Variants in PCNX2 observed in about 807,000 individuals in gnomAD.
PCNX2 encodes pecanex 2, also known as pecanex-like protein 2.
In PCNX2, 168 loss-of-function variants were observed where a neutral mutation model predicts 223.8. That is an observed-to-expected ratio of 0.75 (90% CI 0.66 to 0.85). The LOEUF (loss-of-function observed/expected upper bound fraction) is 0.85, where lower values mean the gene tolerates loss of function less well. Among genes scored for constraint, PCNX2 ranks in the 40% least tolerant of loss-of-function variants. The pLI is 0.00. For synonymous variants in PCNX2, 1,006 were observed against 1,052.6 expected (o/e 0.96, Z 0.86); for missense variants, 2,507 against 2,675.5 (o/e 0.94, Z 1.39).
chr1:233,017,784 G>A (rs970804640), intron 26 of PCNX2, among the ~76,000 whole-genome samples: 1 of 152,210 alleles, frequency 6.6e-6, no homozygotes, highest in African/African-American at 2.4e-5. Flanking sequence ...AGGAAAGTGA[G>A]AAGAACGTAA....
chr1:233,120,526 C>G (rs1384706564), intron 21 of PCNX2, among the ~76,000 whole-genome samples: 3 of 152,186 alleles, frequency 2.0e-5, no homozygotes, highest in Non-Finnish European at 4.4e-5. Context: ...GCCACTCTGG[C>G]ATTTTCCATA....
intron 8 of PCNX2, among the ~76,000 whole-genome samples, chr1:233,239,263 A>G (rs1415651168): frequency 2.0e-5 from 3 of 152,210 alleles, no homozygotes; most frequent in Non-Finnish European, 4.4e-5. Context: ...CAACTGAAAT[A>G]AACTAAGAAT....
At chr1:233,076,145 A>G (rs1458288957) in intron 23 of PCNX2, among the ~76,000 whole-genome samples, 1 of 152,174 alleles carries the variant, frequency 6.6e-6, no homozygotes, top group Non-Finnish European at 1.5e-5. Context: ...GTTTAATTTG[A>G]CTGATTTAAG....
At chr1:233,015,782 G>A (rs1022976823) in intron 27 of PCNX2, among the ~76,000 whole-genome samples, 3 of 152,108 alleles carry the variant, frequency 2.0e-5, no homozygotes, top group Non-Finnish European at 2.9e-5. Context: ...GTTAGGACAG[G>A]AGGATCACTT....
At chr1:233,294,474 T>A (rs552740425) in intron 1 of PCNX2, among the ~76,000 whole-genome samples, 2 of 152,210 alleles carry the variant, frequency 1.3e-5, no homozygotes, top group South Asian at 4.1e-4. Flanking sequence ...TCGGAATCCA[T>A]CAGTCATGCA....
At chr1:233,067,029 G>A (rs1039618050) in intron 23 of PCNX2, among the ~76,000 whole-genome samples, 5 of 152,058 alleles carry the variant, frequency 3.3e-5, no homozygotes, top group Non-Finnish European at 7.4e-5. Context: ...TAGAGGCTGA[G>A]TAGGGAACCT....
intron 1 of PCNX2, among the ~76,000 whole-genome samples, chr1:233,281,120 TAAGAAA>T (rs1192585666): frequency 2.0e-5 from 3 of 152,208 alleles, no homozygotes; most frequent in Non-Finnish European, 4.4e-5. Flanking sequence ...TGATATATAG[TAAGAAA>T]AAGTATTTCT....
At chr1:233,036,203 G>A (rs945719089) in intron 25 of PCNX2, among the ~76,000 whole-genome samples, 13 of 152,058 alleles carry the variant, frequency 8.5e-5, no homozygotes, top group African/African-American at 1.4e-4. Context: ...CTCATTTTCC[G>A]GGGACAGAAT....
chr1:233,144,962 T>G (rs28512240), intron 19 of PCNX2, among the ~76,000 whole-genome samples: 95 of 108,576 alleles, frequency 8.7e-4, no homozygotes, highest in African/African-American at 5.9e-3. Context: ...TGTTTTTTTT[T>G]TTTGTTTCTT....
chr1:233,178,247 TTGTG>T (rs1298468728), intron 16 of PCNX2, among the ~76,000 whole-genome samples: 7 of 152,204 alleles, frequency 4.6e-5, no homozygotes, highest in African/African-American at 1.4e-4. Context: ...ACACTAAAAA[TTGTG>T]TGAACCATGT....
chr1:233,208,407 G>A, intron 13 of PCNX2, 111 bp downstream of exon 13: 1 of 1,202,990 alleles, frequency 8.3e-7, no homozygotes, highest in East Asian at 2.5e-5. Context: ...AGAGGAAAGT[G>A]CACATCTCTT....
At chr1:233,156,960 C>T (rs1407468695) in intron 19 of PCNX2, among the ~76,000 whole-genome samples, 1 of 151,970 alleles carries the variant, frequency 6.6e-6, no homozygotes, top group African/African-American at 2.4e-5. Context: ...AGACTTGAAG[C>T]ATGAGCAGCC....
rs78414174 is a variant in PCNX2 at position 233,095,873 on chromosome 1, A to G, written c.3838-10T>C. ...GAAGCAGGTCCCCGAGCTGAAAGTA[A>G]AAGAAAAAAAATTCATCAGAGAGGA... is the stretch of plus-strand genomic sequence containing the variant. On this transcript the variant is annotated splice_polypyrimidine_tract_variant and intron_variant, in intron 21 of 33. Transcript: ENST00000258229. The G allele has an allele frequency of 3.9e-3, 6,152 of 1,574,300 alleles. 218 individuals are homozygous for G. In the African/African-American group the frequency reaches 0.072, roughly 18 times the overall value.
At chr1:233,140,988 G>A (rs1306356169) in intron 19 of PCNX2, among the ~76,000 whole-genome samples, 5 of 152,054 alleles carry the variant, frequency 3.3e-5, no homozygotes. Flanking sequence ...GCTGCAAGGT[G>A]CCAGGCAACT....
At chr1:233,146,442 T>G (rs1677453458) in intron 19 of PCNX2, among the ~76,000 whole-genome samples, 1 of 152,222 alleles carries the variant, frequency 6.6e-6, no homozygotes, top group Non-Finnish European at 1.5e-5. Flanking sequence ...TAAACAACAT[T>G]TCCTATTTTA....
intron 26 of PCNX2, among the ~76,000 whole-genome samples, chr1:233,021,866 G>A (rs1313335881): frequency 1.3e-5 from 2 of 152,166 alleles, no homozygotes; most frequent in Non-Finnish European, 2.9e-5. Flanking sequence ...AAATCATCTA[G>A]GGGACTGGGA....
intron 27 of PCNX2, among the ~76,000 whole-genome samples, chr1:233,015,502 C>T (rs1022604431): frequency 6.6e-6 from 1 of 152,084 alleles, no homozygotes; most frequent in Non-Finnish European, 1.5e-5. Context: ...AGCTTGAGAC[C>T]AGCCTGGCCA....
At position 233,208,681 on chromosome 1, in the gene PCNX2, G is replaced by A. The variant is rs375761120; in HGVS notation, c.2700C>T (p.Asn900=). 1.5e-4 allele frequency: 234 copies of A among 1,611,532 alleles called. No homozygotes were observed. In the African/African-American group the frequency reaches 2.7e-3, roughly 19 times the overall value. The stretch of plus-strand genomic sequence containing the variant: ...TTGGTCTGCTATATGTTATGATTTG[G>A]TTGTGTCCCTAGAAAACAAACACAA... The part of the protein sequence containing the change: ...PDPASPIHGH[N]QIITYSRPIY... The change falls in exon 13 of 34, where the codon AAC becomes AAT. Residue 900 remains asparagine, a synonymous_variant. Transcript: ENST00000258229.
intron 8 of PCNX2, among the ~76,000 whole-genome samples, chr1:233,245,609 G>A (rs1334463302): frequency 6.6e-6 from 1 of 152,110 alleles, no homozygotes; most frequent in Admixed American, 6.5e-5. Flanking sequence ...TGTGGTCTGT[G>A]GTGTTGTTAA....
Sources: gnomAD v4.1 joint callset for allele counts (sites outside exome capture counted in the v4.1 genomes callset) on GRCh38, gnomAD v4.1.1 for gene constraint, MANE v1.5 for transcripts, NCBI Gene and HGNC (gene_info 2026-07-23, HGNC 2026-07-21) for gene names.